Variants in BOP1 observed in about 807,000 individuals in gnomAD.
The protein encoded by BOP1 is BOP1 ribosomal biogenesis factor, also known as ribosome biogenesis protein BOP1.
Under a neutral mutation model 82.9 loss-of-function variants are expected in BOP1, and 54 were observed. That is an observed-to-expected ratio of 0.65 (90% CI 0.52 to 0.82). The LOEUF (loss-of-function observed/expected upper bound fraction) is 0.82. BOP1 is among the 40% of genes least tolerant of loss of function. The probability of loss-of-function intolerance (pLI) is 0.00; values close to 1 mark genes in which losing one functional copy is unlikely to be tolerated. For synonymous variants in BOP1, 566 were observed against 451.1 expected, an observed-to-expected ratio of 1.25 and a Z score of -3.23; for missense variants, 1,170 against 1,072.0, an observed-to-expected ratio of 1.09 and a Z score of -1.28.
chr8:144,274,956 C>T (rs1326915883), intron 3 of BOP1, among the ~76,000 whole-genome samples: 2 of 152,238 alleles, frequency 1.3e-5, no homozygotes, highest in Admixed American at 6.5e-5. Context: ...GGCGTGGCCC[C>T]CCCGCTCTGA....
At chr8:144,269,267 G>T (rs1445432592) in intron 3 of BOP1, among the ~76,000 whole-genome samples, 1 of 152,242 alleles carries the variant, frequency 6.6e-6, no homozygotes, top group Non-Finnish European at 1.5e-5. Context: ...GTGCTGTGTG[G>T]ACCACCTCCC....
rs1347461140 is a variant in BOP1 at position 144,264,593 on chromosome 8, C to T, written c.687G>A (p.Gly229=). The stretch of plus-strand genomic sequence containing the variant: ...TGGTCACCGGGTGGATCATGACGTC[C>T]CCGCTGAAGAAGTCGACAGCCGGCT... The part of the protein sequence containing the change: ...PYEPAVDFFS[G]DVMIHPVTNR... The change falls in exon 6 of 16, where the codon GGG becomes GGA. Residue 229 remains glycine (G), a synonymous_variant. Coordinates refer to ENST00000569669, the MANE Select transcript of BOP1 (RefSeq NM_015201.5). 5.0e-6 allele frequency: 8 copies of T among 1,605,930 alleles called. No homozygotes were observed. The Admixed American group carries it at 1.3e-4, about 27-fold the overall frequency.
chr8:144,289,775 G>T lies in BOP1; in HGVS notation c.100-471C>A, dbSNP rs943667711. On this transcript the variant is annotated intron_variant, in intron 1 of 15. Coordinates refer to ENST00000569669, the MANE Select transcript of BOP1 (RefSeq NM_015201.5). ...AGAGGTCACTAGAAAAGGGGCTGGG[G>T]GCTGGAAGAGAAATGGGTCCCCAAA... Among the ~76,000 whole-genome samples the T allele has an allele frequency of 3.9e-5, 6 of 152,290 alleles. 1 individual carries two copies. In the South Asian group the frequency reaches 1.2e-3, roughly 32 times the overall value.
At chr8:144,289,339 C>A in intron 1 of BOP1, 35 bp from the exon 2 acceptor site, 2 of 1,603,084 alleles carry the variant, frequency 1.2e-6, no homozygotes, top group Non-Finnish European at 1.7e-6. Flanking sequence ...ACAACTGCCC[C>A]TCCAGGCATG....
Position 144,263,492 on chromosome 8 carries a change from C to A in BOP1, c.1410G>T (p.Leu470=). The A allele has an allele frequency of 5.6e-6, 9 of 1,598,578 alleles. No individual in the cohort carries two copies. Among genetic ancestry groups the A allele is most frequent in the Non-Finnish European group, 7.6e-6 (9 of 1,179,678 alleles). ...VAWNPSPAVC[L]VAAAVEDSVL... is the part of the protein sequence containing the mutation. The stretch of plus-strand genomic sequence containing the variant: ...CCTCCACTTACACGGCTGCAGCCAC[C>A]AGGCAGACAGCGGGGCTGGGGTTCC... Residue 470 remains leucine (L), a synonymous_variant, in exon 11 of 16, where the codon CTG becomes CTT. Coordinates refer to ENST00000569669, the MANE Select transcript of BOP1 (RefSeq NM_015201.5).
intron 2 of BOP1, among the ~76,000 whole-genome samples, chr8:144,278,623 G>A (rs1027898083): frequency 1.3e-5 from 2 of 152,220 alleles, no homozygotes; most frequent in Non-Finnish European, 2.9e-5. Flanking sequence ...ACAGCAGGAG[G>A]GAAGCAGTCC....
chr8:144,291,038 C>T lies in BOP1; in HGVS notation c.99+234G>A, dbSNP rs1815051684. ...CGGCTGGAGAGGCTGCTGCAAGGGG[C>T]GCCCCGTCCCCACTCCCCGCTCCCC... On this transcript the variant is annotated intron_variant, in intron 1 of 15. Coordinates refer to ENST00000569669, the MANE Select transcript of BOP1 (RefSeq NM_015201.5). This position sits in a 1 kb window ranked among gnomAD's most constrained non-coding sequence, Gnocchi z 4.1. 6.6e-6 allele frequency among the ~76,000 whole-genome samples: 1 copy of T among 152,172 alleles called. No individual in the cohort carries two copies. Among genetic ancestry groups the T allele is most frequent in the South Asian group, 2.1e-4 (1 of 4,834 alleles).
chr8:144,272,682 G>A (rs28497846), intron 3 of BOP1, among the ~76,000 whole-genome samples: 11,560 of 152,148 alleles, frequency 0.076, 646 homozygotes, highest in Non-Finnish European at 0.12. Flanking sequence ...ACGCGGCTCT[G>A]AAGAGGCCAC....
chr8:144,284,688 G>C (rs962073917), intron 2 of BOP1, among the ~76,000 whole-genome samples: 32 of 152,306 alleles, frequency 2.1e-4, no homozygotes, highest in African/African-American at 6.7e-4. Context: ...CTCGTTCCCT[G>C]GCACACCCCT....
intron 2 of BOP1, among the ~76,000 whole-genome samples, chr8:144,286,820 G>A (rs1226919292): frequency 6.6e-6 from 1 of 152,196 alleles, no homozygotes; most frequent in Non-Finnish European, 1.5e-5. Flanking sequence ...CACCCTGCAT[G>A]GGGCAGCCAG....
chr8:144,284,953 G>A (rs1814823748), intron 2 of BOP1, among the ~76,000 whole-genome samples: 1 of 151,832 alleles, frequency 6.6e-6, no homozygotes, highest in Admixed American at 6.5e-5. Flanking sequence ...GCCAGCAGCT[G>A]ACCCCCAGCA....
Position 144,273,058 on chromosome 8 carries a change from C to T in BOP1, c.390+3166G>A, listed in dbSNP as rs1037474318. Reference sequence around the variant, plus strand: ...GATTGGGGCGGTCTGCAGGCCCGGGCGCCCTCCACAAGCAGCGTGGGGAGG... The same window carrying T: ...GATTGGGGCGGTCTGCAGGCCCGGGTGCCCTCCACAAGCAGCGTGGGGAGG... On this transcript the variant is annotated intron_variant, in intron 3 of 15. Coordinates refer to ENST00000569669, the MANE Select transcript of BOP1 (RefSeq NM_015201.5). Among the ~76,000 whole-genome samples the T allele has an allele frequency of 1.3e-4, 20 of 152,070 alleles. 1 individual carries two copies. Among genetic ancestry groups the T allele is most frequent in the Non-Finnish European group, 2.9e-5 (2 of 67,986 alleles).
intron 3 of BOP1, chr8:144,268,142 G>C (rs1845422863): frequency 1.3e-6 from 2 of 1,551,188 alleles, no homozygotes; most frequent in South Asian, 1.2e-5. Context: ...TTCGCAGTTA[G>C]GAGGTGGCCG....
intron 3 of BOP1, chr8:144,266,641 C>A: frequency 8.0e-7 from 1 of 1,242,974 alleles, no homozygotes; most frequent in Non-Finnish European, 1.0e-6. Context: ...GCGCCCGGCG[C>A]CGCCGGGCCG....
intron 3 of BOP1, among the ~76,000 whole-genome samples, chr8:144,275,971 G>T (rs1845562670): frequency 6.6e-6 from 1 of 152,162 alleles, no homozygotes; most frequent in Admixed American, 6.5e-5. Flanking sequence ...CAGGGGCATG[G>T]AGCCACACCC....
At chr8:144,287,705 A>G (rs1294633032) in intron 2 of BOP1, among the ~76,000 whole-genome samples, 6 of 152,204 alleles carry the variant, frequency 3.9e-5, no homozygotes, top group Non-Finnish European at 8.8e-5. Flanking sequence ...GGGGTAACGT[A>G]GTTGTCCATA....
At chr8:144,272,673 C>T (rs899949661) in intron 3 of BOP1, among the ~76,000 whole-genome samples, 3 of 152,114 alleles carry the variant, frequency 2.0e-5, no homozygotes, top group African/African-American at 7.2e-5. Context: ...AGCAGGAGGA[C>T]GCGGCTCTGA....
chr8:144,277,018 C>T (rs1037165172), intron 2 of BOP1, among the ~76,000 whole-genome samples: 19 of 152,196 alleles, frequency 1.2e-4, no homozygotes, highest in Non-Finnish European at 2.1e-4. Flanking sequence ...ATTCTGCCCT[C>T]GACTGCGGAG....
At chr8:144,272,238 TC>T (rs1845503485) in intron 3 of BOP1, among the ~76,000 whole-genome samples, 1 of 151,496 alleles carries the variant, frequency 6.6e-6, no homozygotes, top group Non-Finnish European at 1.5e-5. Flanking sequence ...AGCTACAACT[TC>T]CAGGTGGGGT....
Sources: allele counts gnomAD v4.1 joint callset (sites outside exome capture counted in the v4.1 genomes callset), GRCh38; gene constraint gnomAD v4.1.1; non-coding constraint Gnocchi (gnomAD v3.1); transcripts MANE v1.5; gene names NCBI Gene and HGNC (gene_info 2026-07-23, HGNC 2026-07-21).